Variants in KLF12 observed in about 807,000 individuals in gnomAD.
KLF12 encodes KLF transcription factor 12, also known as Krueppel-like factor 12.
A neutral mutation model predicts 37.8 loss-of-function variants in KLF12; 9 were observed. The observed-to-expected ratio is 0.24, with a 90% CI of 0.14 to 0.42. The LOEUF (loss-of-function observed/expected upper bound fraction) is 0.42. KLF12 is among the 10% of genes least tolerant of loss of function. KLF12 has a pLI of 1.00. For synonymous variants in KLF12, 208 were observed against 202.1 expected, an observed-to-expected ratio of 1.03 and a Z score of -0.25; for missense variants, 411 against 516.0, an observed-to-expected ratio of 0.80 and a Z score of 1.97.
chr13:73,735,951 C>CT (rs542835566), intron 6 of KLF12, among the ~76,000 whole-genome samples: 2,927 of 132,792 alleles, frequency 0.022, 103 homozygotes, highest in African/African-American at 0.077. Context: ...TTCTTTCTTT[C>CT]TTTTTCTTTT....
chr13:74,221,963 C>T, the KLF12 span, among the ~76,000 whole-genome samples: 1 of 152,162 alleles, frequency 6.6e-6, no homozygotes, highest in South Asian at 2.1e-4. Flanking sequence ...TATCTTTGCT[C>T]AATGAACTCT....
the KLF12 span, among the ~76,000 whole-genome samples, chr13:74,161,580 T>G: frequency 6.6e-6 from 1 of 152,172 alleles, no homozygotes; most frequent in African/African-American, 2.4e-5. Context: ...ATAACCCTGT[T>G]AATGCTCTGA....
intron 6 of KLF12, among the ~76,000 whole-genome samples, chr13:73,739,304 G>A (rs979841110): frequency 4.6e-5 from 7 of 151,550 alleles, no homozygotes; most frequent in African/African-American, 9.7e-5. Flanking sequence ...GGTGTGGAAA[G>A]GATTAAATGA....
At chr13:74,240,083 G>C in the KLF12 span, among the ~76,000 whole-genome samples, 1 of 151,584 alleles carries the variant, frequency 6.6e-6, no homozygotes, top group Non-Finnish European at 1.5e-5. Context: ...GGCTGGTACC[G>C]GTTGTTCTTT....
intron 1 of KLF12, among the ~76,000 whole-genome samples, chr13:74,069,092 A>G (rs1430677885): frequency 5.9e-5 from 9 of 152,316 alleles, no homozygotes; most frequent in African/African-American, 2.2e-4. Context: ...CATGCTAACA[A>G]ACAGTAGCTA....
the KLF12 span, among the ~76,000 whole-genome samples, chr13:74,215,959 C>T: frequency 2.6e-5 from 4 of 152,170 alleles, no homozygotes; most frequent in Non-Finnish European, 5.9e-5. Flanking sequence ...AGGGAAGGCA[C>T]CATGGTGTTC....
chr13:73,964,861 C>T (rs1172826293), intron 2 of KLF12, among the ~76,000 whole-genome samples: 5 of 152,076 alleles, frequency 3.3e-5, no homozygotes, highest in Non-Finnish European at 7.4e-5. Flanking sequence ...GCAGGAGGCA[C>T]ATTAAAGAGA....
intron 3 of KLF12, among the ~76,000 whole-genome samples, chr13:73,915,393 T>C (rs890324528): frequency 3.9e-5 from 6 of 152,198 alleles, no homozygotes; most frequent in Admixed American, 3.3e-4. Flanking sequence ...CACAGCCTCA[T>C]TTCCGTAGAA....
At chr13:74,138,081 G>A (rs1050397275), upstream of KLF12, among the ~76,000 whole-genome samples, 3 of 152,186 alleles carry the variant, frequency 2.0e-5, no homozygotes, top group Admixed American at 2.0e-4. Context: ...AGTATTAAGA[G>A]CATTACTTAT....
intron 6 of KLF12, among the ~76,000 whole-genome samples, chr13:73,740,216 A>G (rs1460799596): frequency 6.6e-6 from 1 of 152,212 alleles, no homozygotes; most frequent in Non-Finnish European, 1.5e-5. Flanking sequence ...TGCCCTTATA[A>G]AAGAGGCTCC....
chr13:73,846,441 C>T (rs1050632920), intron 3 of KLF12, 68 bp from the exon 4 acceptor site: 36 of 1,349,470 alleles, frequency 2.7e-5, no homozygotes, highest in Non-Finnish European at 3.7e-5. Flanking sequence ...GCATGGCTTA[C>T]CACTTGAACG....
chr13:74,290,632 T>C, the KLF12 span, among the ~76,000 whole-genome samples: 1 of 152,238 alleles, frequency 6.6e-6, no homozygotes, highest in Admixed American at 6.5e-5. Context: ...GACAATGTGT[T>C]CCGTGAATCT....
At chr13:73,932,230 G>A (rs1045857707) in intron 3 of KLF12, among the ~76,000 whole-genome samples, 2 of 152,262 alleles carry the variant, frequency 1.3e-5, no homozygotes, top group East Asian at 1.9e-4. Flanking sequence ...GAGACTATGA[G>A]TCACCTTGAA....
the KLF12 span, among the ~76,000 whole-genome samples, chr13:74,299,060 G>A: frequency 3.3e-5 from 5 of 152,148 alleles, no homozygotes; most frequent in Non-Finnish European, 7.3e-5. Flanking sequence ...AAGGAAATGC[G>A]GGTGCCCACA....
chr13:73,903,389 T>C (rs7985800), intron 3 of KLF12, among the ~76,000 whole-genome samples: 7,203 of 151,988 alleles, frequency 0.047, 396 homozygotes, highest in African/African-American at 0.13. Context: ...ACAAGGGAAA[T>C]AAAAGGGAAT....
intron 2 of KLF12, among the ~76,000 whole-genome samples, chr13:73,974,110 A>C (rs2138127901): frequency 6.6e-6 from 1 of 152,300 alleles, no homozygotes; most frequent in South Asian, 2.1e-4. Flanking sequence ...AGAAAAGATA[A>C]GAGGCACAAA....
upstream of KLF12, among the ~76,000 whole-genome samples, chr13:74,135,674 C>G (rs1463065107): frequency 6.6e-6 from 1 of 151,884 alleles, no homozygotes; most frequent in Non-Finnish European, 1.5e-5. Flanking sequence ...CGCGGCGCTC[C>G]GGGCACGACA....
intron 3 of KLF12, among the ~76,000 whole-genome samples, chr13:73,924,419 A>G (rs1889278173): frequency 6.6e-6 from 1 of 152,108 alleles, no homozygotes; most frequent in Non-Finnish European, 1.5e-5. Context: ...TCATTATTAT[A>G]TTTGTTATGG....
intron 2 of KLF12, among the ~76,000 whole-genome samples, chr13:73,977,792 G>C (rs921708097): frequency 1.3e-5 from 2 of 152,178 alleles, no homozygotes; most frequent in African/African-American, 4.8e-5. Flanking sequence ...TAGTGGAACA[G>C]AACAGAGTTC....
Sources: allele counts gnomAD v4.1 joint callset (sites outside exome capture counted in the v4.1 genomes callset), GRCh38; gene constraint gnomAD v4.1.1; transcripts MANE v1.5; gene names NCBI Gene and HGNC (gene_info 2026-07-23, HGNC 2026-07-21).